The following PEX5 variants were observed in gnomAD, a reference collection of about 807,000 sequenced individuals.
PEX5 encodes the protein peroxisomal biogenesis factor 5.
In PEX5, 52 loss-of-function variants were observed where a neutral mutation model predicts 82.9. The observed-to-expected ratio is 0.63, with a 90% confidence interval of 0.50 to 0.79. The LOEUF is 0.79. Among genes scored for constraint, PEX5 ranks in the 30% least tolerant of loss-of-function variants. The probability of loss-of-function intolerance (pLI) is 0.00; values close to 1 mark genes in which losing one functional copy is unlikely to be tolerated. For missense variants in PEX5, 719 were observed against 815.2 expected, an observed-to-expected ratio of 0.88 and a Z score of 1.44; for synonymous variants, 300 against 318.8, an observed-to-expected ratio of 0.94 and a Z score of 0.63.
At chr12:7,191,390 G>T in intron 4 of PEX5, 32 bp downstream of exon 4, 1 of 1,613,974 alleles carries the variant, frequency 6.2e-7, no homozygotes, top group Non-Finnish European at 8.5e-7. Flanking sequence ...AGGGGAGATC[G>T]TTTTCCATGT....
At position 7,190,353 on chromosome 12, in the gene PEX5, G is replaced by A; in HGVS notation, c.-16-9G>A. 1.2e-6 allele frequency: 2 copies of A among 1,613,992 alleles called. No individual in the cohort carries two copies. The highest frequency in any genetic ancestry group is 1.7e-6 in the Non-Finnish European group (2 of 1,179,976). On this transcript the variant is annotated splice_polypyrimidine_tract_variant and intron_variant, in intron 1 of 15. Transcript: ENST00000675855. ...GGTACCTCAGTTCCAAACCTCCTGT[G>A]TCCATCAGAGAGCTGGCGGTCACCA... is the stretch of plus-strand genomic sequence containing the variant.
rs1163805891 is a variant in PEX5, at chr12:7,199,122, A to G, written c.551+9A>G. On this transcript the variant is annotated intron_variant, in intron 6 of 15. Transcript: ENST00000675855. ...ACAGCCACCGATCGCTGGTGAGTTC[A>G]GATACCTCTTTCCGAATCCCGTGAA... 2.7e-6 allele frequency: 4 copies of G among 1,504,592 alleles called. No individual in the cohort carries two copies. Among genetic ancestry groups the G allele is most frequent in the Non-Finnish European group, 9.2e-7 (1 of 1,091,284 alleles). The allele number at this position is 1,504,592 out of a possible 1,614,324, so 93.2% of individuals were successfully genotyped here. A position where few individuals can be genotyped will look rare whatever the true frequency, so the allele number is the denominator to read the frequency against.
At chr12:7,201,936 A>G in intron 7 of PEX5, 95 bp downstream of exon 7, 1 of 917,848 alleles carries the variant, frequency 1.1e-6, no homozygotes, top group Non-Finnish European at 1.8e-6. Flanking sequence ...AAAGAGAAGG[A>G]GAAGAGATCT....
chr12:7,205,907 A>G (rs1030836707), intron 10 of PEX5, among the ~76,000 whole-genome samples: 7 of 152,224 alleles, frequency 4.6e-5, no homozygotes, highest in African/African-American at 1.7e-4. Flanking sequence ...ATCTTAAGGA[A>G]GTATCTAGAG....
chr12:7,197,492 A>ATATATGTTATATATAATGTAATAAT (rs1198561977), intron 5 of PEX5, among the ~76,000 whole-genome samples: 1 of 140,696 alleles, frequency 7.1e-6, no homozygotes, highest in African/African-American at 2.8e-5. Context: ...TATAATAATT[A>ATATATGTTATATATAATGTAATAAT]TATATGTTAT....
intron 5 of PEX5, among the ~76,000 whole-genome samples, chr12:7,195,303 C>T: frequency 6.6e-6 from 1 of 152,204 alleles, no homozygotes. Flanking sequence ...TGCATCCCCT[C>T]TGTAGACCTT....
chr12:7,209,169 A>G lies in PEX5; in HGVS notation c.1559A>G (p.Asn520Ser), dbSNP rs139364109. Reference sequence around the variant, plus strand: ...ACAGCTGCCCTCAGCGTTCGTCCCAATGTGAGCCCAGGGGAGGAATGGAAA... The same window carrying G: ...ACAGCTGCCCTCAGCGTTCGTCCCAGTGTGAGCCCAGGGGAGGAATGGAAA... ...CFTAALSVRP[N>S]DYLLWNKLGA... The change falls in exon 14 of 16, where the codon AAT becomes AGT. Residue 520 changes from asparagine (N) to serine (S), a missense_variant and splice_region_variant. By Grantham distance (46) the Asn-to-Ser change is conservative. Coordinates refer to ENST00000675855, the MANE Select transcript of PEX5 (RefSeq NM_001351132.2). 1.3e-4 allele frequency: 214 copies of G among 1,613,688 alleles called. 1 individual carries two copies. The highest frequency in any genetic ancestry group is 4.5e-4 in the East Asian group (20 of 44,866).
intron 4 of PEX5, 97 bp downstream of exon 4, chr12:7,191,455 G>A: frequency 6.3e-7 from 1 of 1,597,212 alleles, no homozygotes; most frequent in Non-Finnish European, 8.6e-7. Flanking sequence ...GGGGACCTGA[G>A]ATGCAGAAGG....
chr12:7,188,708 CTT>C (rs1940381942), upstream of PEX5: 1 of 152,550 alleles, frequency 6.6e-6, no homozygotes, highest in Non-Finnish European at 1.5e-5. Flanking sequence ...TGGGATGGTA[CTT>C]CTGTTCGTCT....
chr12:7,191,171 T>C (rs1030495475), intron 3 of PEX5, 55 bp from the exon 4 acceptor site: 1 of 1,610,082 alleles, frequency 6.2e-7, no homozygotes, highest in Non-Finnish European at 8.5e-7. Flanking sequence ...GGGTCCTGCC[T>C]CTTGCTGGGG....
intron 10 of PEX5, among the ~76,000 whole-genome samples, chr12:7,206,978 C>G (rs1237548053): frequency 6.6e-6 from 1 of 152,112 alleles, no homozygotes; most frequent in East Asian, 1.9e-4. Flanking sequence ...CAGATAGTAT[C>G]GTAACTCTTC....
At chr12:7,198,897 T>C in intron 5 of PEX5, 114 bp from the exon 6 acceptor site, 2 of 655,776 alleles carry the variant, frequency 3.0e-6, no homozygotes, top group Non-Finnish European at 2.8e-6. Context: ...CAGCAGAGTT[T>C]TGTCTGCTTT....
At chr12:7,199,496 T>C (rs1460775721) in intron 6 of PEX5, among the ~76,000 whole-genome samples, 1 of 151,156 alleles carries the variant, frequency 6.6e-6, no homozygotes, top group African/African-American at 2.4e-5. Flanking sequence ...ACACAGCACA[T>C]GTTTCAGAGA....
chr12:7,206,377 G>T (rs933575908), intron 10 of PEX5, among the ~76,000 whole-genome samples: 3 of 152,218 alleles, frequency 2.0e-5, no homozygotes, highest in African/African-American at 7.2e-5. Context: ...GGCTGCTTTC[G>T]CACTACAACA....
chr12:7,197,545 A>G (rs867880043), intron 5 of PEX5, among the ~76,000 whole-genome samples: 11,871 of 116,382 alleles, frequency 0.1, 1,775 homozygotes, highest in Non-Finnish European at 0.15. Context: ...GTAATTATAT[A>G]TGTTATATAT....
chr12:7,210,150 A>G lies in PEX5; in HGVS notation c.1847A>G (p.Gln616Arg), dbSNP rs2136265648. Residue 616 changes from glutamine to arginine, a missense_variant, in exon 16 of 16, where the codon CAG becomes CGG. Coordinates refer to ENST00000675855, the MANE Select transcript of PEX5 (RefSeq NM_001351132.2). ...CGTTTGGCATTGTCTATGTTAGGCC[A>G]GAGCGATGCCTATGGGGCAGCCGAC... Reference protein sequence around the residue: ...TLRLALSMLGQSDAYGAADAR... With the variant: ...TLRLALSMLGRSDAYGAADAR... 6.2e-7 allele frequency: 1 copy of G among 1,614,256 alleles called. No homozygotes were observed. The highest frequency in any genetic ancestry group is 2.2e-5 in the East Asian group (1 of 44,886).
chr12:7,193,258 C>T (rs955956502), intron 5 of PEX5, among the ~76,000 whole-genome samples: 4 of 127,628 alleles, frequency 3.1e-5, no homozygotes, highest in African/African-American at 3.1e-5. Context: ...TTTTTTGAGA[C>T]AGGGTCTTGC....
rs753646445 is a variant in PEX5 at position 7,202,359 on chromosome 12, A to T, written c.753+8A>T. On this transcript the variant is annotated splice_region_variant and intron_variant, in intron 8 of 15. Transcript: ENST00000675855. ...GAGTTTATACAGCAGCAGGTAGGAC[A>T]TTGTCACTTTCCAGTCCCACTTCAG... The T allele has an allele frequency of 6.2e-6, 10 of 1,614,018 alleles. No homozygotes were observed. Among genetic ancestry groups the T allele is most frequent in the Non-Finnish European group, 8.5e-6 (10 of 1,179,964 alleles).
At chr12:7,202,762 TG>T in intron 9 of PEX5, 58 bp downstream of exon 9, 1 of 1,139,820 alleles carries the variant, frequency 8.8e-7, no homozygotes. Flanking sequence ...TTGGAGTGAG[TG>T]GGTGTATGAA....
Sources: gnomAD v4.1 joint callset for allele counts (sites outside exome capture counted in the v4.1 genomes callset) on GRCh38, gnomAD v4.1.1 for gene constraint, MANE v1.5 for transcripts, NCBI Gene and HGNC (gene_info 2026-07-23, HGNC 2026-07-21) for gene names.